Variants in RFX3 observed in about 807,000 individuals in gnomAD.
RFX3 encodes regulatory factor X3.
RFX3 carries 14 observed loss-of-function variants against 98.6 expected under a neutral mutation model. That is an observed-to-expected ratio of 0.14 (90% CI 0.09 to 0.22). The LOEUF (loss-of-function observed/expected upper bound fraction) is 0.22. Ranked by LOEUF, RFX3 falls within the 10% of genes least tolerant of loss-of-function variation. RFX3 has a pLI of 1.00. For synonymous variants in RFX3, 383 were observed against 328.4 expected (o/e 1.17, Z -1.80); for missense variants, 639 against 926.9 (o/e 0.69, Z 4.03).
At chr9:3,422,254 G>A (rs896244805) in intron 1 of RFX3, among the ~76,000 whole-genome samples, 1 of 152,174 alleles carries the variant, frequency 6.6e-6, no homozygotes, top group African/African-American at 2.4e-5. Context: ...GCCCAGCAGG[G>A]CTGACTCCAG....
chr9:3,246,630 G>C (rs1043218271), intron 15 of RFX3, among the ~76,000 whole-genome samples: 4 of 152,298 alleles, frequency 2.6e-5, no homozygotes, highest in East Asian at 1.9e-4. Context: ...AGAAATTTTA[G>C]AGTACTGAGT....
intron 4 of RFX3, among the ~76,000 whole-genome samples, chr9:3,311,565 T>C (rs1420916837): frequency 2.6e-5 from 4 of 152,166 alleles, no homozygotes; most frequent in African/African-American, 9.7e-5. Flanking sequence ...ACCAGCAGTA[T>C]CAAAATCATT....
At chr9:3,423,778 C>CATATATATATAT (rs61209874) in intron 1 of RFX3, among the ~76,000 whole-genome samples, 3,298 of 110,578 alleles carry the variant, frequency 0.03, 138 homozygotes, top group East Asian at 0.077. Context: ...TATATATTTT[C>CATATATATATAT]ATATATATAT....
intron 2 of RFX3, among the ~76,000 whole-genome samples, chr9:3,349,731 T>C (rs778890566): frequency 6.6e-6 from 1 of 152,130 alleles, no homozygotes; most frequent in Non-Finnish European, 1.5e-5. Flanking sequence ...CACCTCATTC[T>C]AAGAAAAAAC....
chr9:3,380,867 T>A (rs962006433), intron 2 of RFX3, among the ~76,000 whole-genome samples: 1 of 152,196 alleles, frequency 6.6e-6, no homozygotes, highest in African/African-American at 2.4e-5. Flanking sequence ...ATACTGAACA[T>A]TTTTATACTG....
chr9:3,489,774 T>A (rs562704172), intron 1 of RFX3, among the ~76,000 whole-genome samples: 1 of 152,270 alleles, frequency 6.6e-6, no homozygotes, highest in South Asian at 2.1e-4. Context: ...GACTAACCTA[T>A]GAGTCTCATA....
chr9:3,466,915 C>T (rs1363646914), intron 1 of RFX3, among the ~76,000 whole-genome samples: 1 of 150,940 alleles, frequency 6.6e-6, no homozygotes, highest in Non-Finnish European at 1.5e-5. Context: ...AAAGCTTAGA[C>T]ACCACCCTCT....
chr9:3,366,706 CTTTCTTTCTTTCT>C lies in RFX3; in HGVS notation c.118-19955_118-19943del, dbSNP rs1228538592. Among the ~76,000 whole-genome samples, 151 of 88,798 alleles carry C rather than the reference CTTTCTTTCTTTCT, an allele frequency of 1.7e-3. No homozygotes were observed. The Middle Eastern group carries it at 0.024, about 14-fold the overall frequency. The allele number at this position is 88,798 out of a possible 152,430, so 58.3% of individuals were successfully genotyped here. On this transcript the variant is annotated intron_variant, in intron 2 of 16. Coordinates refer to ENST00000617270, the MANE Select transcript of RFX3 (RefSeq NM_001282116.2). ...TCTTCTTTCTTTCCTTTCTTTCTTT[CTTTCTTTCTTTCT>C]TTCTTTCTTTCTTTCTTTCTTTCTT... is the stretch of plus-strand genomic sequence containing the variant.
chr9:3,258,440 A>G (rs564723581), intron 13 of RFX3, among the ~76,000 whole-genome samples: 1 of 152,224 alleles, frequency 6.6e-6, no homozygotes, highest in Admixed American at 6.5e-5. Flanking sequence ...GACTTTACCT[A>G]TTCAAGGGAC....
intron 1 of RFX3, among the ~76,000 whole-genome samples, chr9:3,483,822 T>A (rs932564449): frequency 6.6e-6 from 1 of 152,168 alleles, no homozygotes; most frequent in African/African-American, 2.4e-5. Flanking sequence ...CCTGAGTAAA[T>A]TACTTGATAT....
chr9:3,462,309 A>C (rs1258408918), intron 1 of RFX3, among the ~76,000 whole-genome samples: 2 of 152,100 alleles, frequency 1.3e-5, no homozygotes, highest in Non-Finnish European at 2.9e-5. Context: ...CCAGATTAAC[A>C]GACTAAAAGA....
intron 11 of RFX3, among the ~76,000 whole-genome samples, chr9:3,267,197 G>A (rs552215151): frequency 2.0e-5 from 3 of 151,918 alleles, no homozygotes; most frequent in Non-Finnish European, 4.4e-5. Flanking sequence ...TGTGCCCAAG[G>A]CTCCATAGTA....
chr9:3,269,222 T>C (rs1197557908), intron 11 of RFX3, among the ~76,000 whole-genome samples: 1 of 152,028 alleles, frequency 6.6e-6, no homozygotes, highest in Non-Finnish European at 1.5e-5. Flanking sequence ...TAATATTATA[T>C]GGAAATATGT....
intron 4 of RFX3, among the ~76,000 whole-genome samples, chr9:3,314,327 G>C (rs1830315629): frequency 6.6e-6 from 1 of 152,140 alleles, no homozygotes; most frequent in Non-Finnish European, 1.5e-5. Flanking sequence ...AATGCTGAGA[G>C]ACTTTGTCAC....
rs572968859 is a variant in RFX3 at position 3,224,617 on chromosome 9, C to T, written c.*425G>A. ...TGCATCTGCTGCCAAATGGGCATGCCTCCAGTGTAAATCAAAAAAATCATT... is the reference window on the plus strand; with the variant it reads ...TGCATCTGCTGCCAAATGGGCATGCTTCCAGTGTAAATCAAAAAAATCATT... On this transcript the variant is annotated 3_prime_UTR_variant, in exon 17 of 17. Transcript: ENST00000617270. 1 of 167,938 alleles carries T rather than the reference C, an allele frequency of 6.0e-6. No individual in the cohort carries two copies. Among genetic ancestry groups the T allele is most frequent in the African/African-American group, 2.4e-5 (1 of 41,618 alleles). 10.4% of individuals were successfully genotyped at this position (167,938 alleles called of 1,614,324 possible).
chr9:3,461,707 T>C (rs2133065288), intron 1 of RFX3, among the ~76,000 whole-genome samples: 1 of 151,922 alleles, frequency 6.6e-6, no homozygotes, highest in East Asian at 1.9e-4. Context: ...GAAAACAAAA[T>C]AATATAAGTA....
intron 1 of RFX3, among the ~76,000 whole-genome samples, chr9:3,479,107 GGA>G (rs893458969): frequency 1.3e-5 from 2 of 152,140 alleles, no homozygotes; most frequent in South Asian, 4.1e-4. Context: ...CCACTAAGCT[GGA>G]GAGAGAGATG....
At chr9:3,503,387 C>T (rs967590398) in intron 1 of RFX3, among the ~76,000 whole-genome samples, 11 of 149,994 alleles carry the variant, frequency 7.3e-5, no homozygotes, top group Middle Eastern at 3.5e-3. Flanking sequence ...TAAATGTATA[C>T]ACATTTATGT....
intron 1 of RFX3, among the ~76,000 whole-genome samples, chr9:3,460,451 G>T (rs1847584688): frequency 6.6e-6 from 1 of 151,832 alleles, no homozygotes; most frequent in Non-Finnish European, 1.5e-5. Flanking sequence ...AAAAGTCCTT[G>T]TTCCATAAAA....
Sources: gnomAD v4.1 joint callset for allele counts (sites outside exome capture counted in the v4.1 genomes callset) on GRCh38, gnomAD v4.1.1 for gene constraint, MANE v1.5 for transcripts, NCBI Gene and HGNC (gene_info 2026-07-23, HGNC 2026-07-21) for gene names.